Variants in COL25A1 observed in about 807,000 individuals in gnomAD.
COL25A1 encodes collagen alpha-1(XXV) chain.
In COL25A1, 103 loss-of-function variants were observed where a neutral mutation model predicts 128.4. The ratio of observed to expected loss-of-function variants is 0.80; its 90% CI spans 0.68 to 0.94. The LOEUF is 0.94. Ranked by LOEUF, COL25A1 falls within the 40% of genes least tolerant of loss-of-function variation. COL25A1 has a pLI of 0.00. For synonymous variants in COL25A1, 279 were observed against 277.2 expected, an observed-to-expected ratio of 1.01 and a Z score of -0.06; for missense variants, 745 against 840.0, an observed-to-expected ratio of 0.89 and a Z score of 1.40.
intron 13 of COL25A1, among the ~76,000 whole-genome samples, chr4:108,909,979 G>A (rs1004776776): frequency 1.3e-5 from 2 of 152,152 alleles, no homozygotes; most frequent in Non-Finnish European, 2.9e-5. Context: ...AGCGGTGCAC[G>A]TGCCAGCAGT....
intron 10 of COL25A1, among the ~76,000 whole-genome samples, 184 bp from the exon 11 acceptor site, chr4:108,938,027 G>A (rs1747644639): frequency 6.6e-6 from 1 of 152,086 alleles, no homozygotes; most frequent in Admixed American, 6.5e-5. Context: ...TACAAATTTA[G>A]GGTTTAATAA....
intron 12 of COL25A1, among the ~76,000 whole-genome samples, chr4:108,920,304 T>C (rs1745350858): frequency 6.6e-6 from 1 of 152,348 alleles, no homozygotes. Flanking sequence ...AATTTTGTCA[T>C]GTTTTACCAG....
intron 30 of COL25A1, 71 bp downstream of exon 30, chr4:108,844,448 A>G: frequency 6.2e-7 from 1 of 1,613,332 alleles, no homozygotes; most frequent in Non-Finnish European, 8.5e-7. Flanking sequence ...GTTTAGAGGG[A>G]TGTGTTCATG....
chr4:109,235,193 C>A (rs1196500808), intron 3 of COL25A1, among the ~76,000 whole-genome samples: 1 of 152,006 alleles, frequency 6.6e-6, no homozygotes, highest in Non-Finnish European at 1.5e-5. Context: ...AAATACCTAT[C>A]CCCAGAGTGT....
chr4:109,279,178 T>C (rs552400680), intron 3 of COL25A1, among the ~76,000 whole-genome samples: 2 of 152,294 alleles, frequency 1.3e-5, no homozygotes, highest in East Asian at 3.9e-4. Context: ...CTCCAATTTG[T>C]TGTAACTGGT....
chr4:109,283,544 T>C (rs1199278981), intron 3 of COL25A1, among the ~76,000 whole-genome samples: 1 of 152,168 alleles, frequency 6.6e-6, no homozygotes, highest in East Asian at 1.9e-4. Context: ...ATTACAGGCG[T>C]GAGCCCCATC....
chr4:109,105,021 T>A (rs1178621395), intron 3 of COL25A1, among the ~76,000 whole-genome samples: 2 of 152,212 alleles, frequency 1.3e-5, no homozygotes, highest in East Asian at 3.8e-4. Flanking sequence ...TGAAATGATA[T>A]TCTACCTTGG....
At position 109,273,904 on chromosome 4, in the gene COL25A1, A is replaced by G. The variant is rs1782367035; in HGVS notation, c.367+26679T>C. On this transcript the variant is annotated intron_variant, in intron 3 of 37. Coordinates refer to ENST00000399132, the MANE Select transcript of COL25A1 (RefSeq NM_198721.4). ...CAATTATAAACTGTAAAAAAAATGAAAACAAATTAAGGAATCTTTTAAATA... is the reference window on the plus strand; with the variant it reads ...CAATTATAAACTGTAAAAAAAATGAGAACAAATTAAGGAATCTTTTAAATA... Among the ~76,000 whole-genome samples the G allele has an allele frequency of 2.0e-5, 3 of 152,240 alleles. No individual in the cohort carries two copies. The South Asian group carries it at 6.2e-4, about 32-fold the overall frequency.
chr4:109,003,334 A>G (rs1182150582), intron 6 of COL25A1, among the ~76,000 whole-genome samples: 1 of 152,238 alleles, frequency 6.6e-6, no homozygotes. Context: ...TATCCACCAC[A>G]ATTACACTGC....
At chr4:109,161,497 T>C (rs1772576943) in intron 3 of COL25A1, among the ~76,000 whole-genome samples, 1 of 152,210 alleles carries the variant, frequency 6.6e-6, no homozygotes, top group Non-Finnish European at 1.5e-5. Flanking sequence ...TTACCTGAAT[T>C]GATTGTTTAA....
chr4:109,069,599 T>A (rs983832385), intron 3 of COL25A1, among the ~76,000 whole-genome samples: 5 of 152,188 alleles, frequency 3.3e-5, no homozygotes, highest in Non-Finnish European at 7.3e-5. Context: ...GCAGTGTAAG[T>A]ATGCTGAAGT....
intron 3 of COL25A1, among the ~76,000 whole-genome samples, chr4:109,255,839 T>C (rs1464094079): frequency 6.6e-6 from 1 of 152,216 alleles, no homozygotes; most frequent in African/African-American, 2.4e-5. Flanking sequence ...CAAAACTTGC[T>C]TTGAGTTTAG....
intron 3 of COL25A1, among the ~76,000 whole-genome samples, chr4:109,254,238 G>A (rs912440679): frequency 6.6e-6 from 1 of 151,336 alleles, no homozygotes; most frequent in African/African-American, 2.4e-5. Flanking sequence ...ATAATTAAAT[G>A]TGCCTTTTGC....
At chr4:109,130,123 A>G (rs1769040634) in intron 3 of COL25A1, among the ~76,000 whole-genome samples, 1 of 129,444 alleles carries the variant, frequency 7.7e-6, no homozygotes, top group South Asian at 2.8e-4. Flanking sequence ...CAGAATATAC[A>G]TACATACATA....
intron 3 of COL25A1, among the ~76,000 whole-genome samples, chr4:109,280,218 G>C (rs907158194): frequency 2.6e-5 from 4 of 152,150 alleles, no homozygotes; most frequent in African/African-American, 9.7e-5. Context: ...TTCAGAAGAA[G>C]TTTAGAGACA....
chr4:109,153,170 G>A (rs550664236), intron 3 of COL25A1, among the ~76,000 whole-genome samples: 35 of 151,988 alleles, frequency 2.3e-4, no homozygotes, highest in Non-Finnish European at 3.2e-4. Flanking sequence ...TGGATCTCCT[G>A]AGGTCGGGAG....
rs1158184110 is a variant in COL25A1, at chr4:108,835,861, C to CTTTTTTTTTTTTTTTTTTTTT, written c.1657-3449_1657-3429dup. Among the ~76,000 whole-genome samples the CTTTTTTTTTTTTTTTTTTTTT allele has an allele frequency of 1.9e-3, 85 of 45,720 alleles. 5 individuals carry two copies. The highest frequency in any genetic ancestry group is 2.5e-3 in the Admixed American group (7 of 2,836). The allele number at this position is 45,720 out of a possible 152,430, so 30.0% of individuals were successfully genotyped here. On this transcript the variant is annotated intron_variant, in intron 31 of 37. Transcript: ENST00000399132. ...GCCACAGTGCCCGGCTTACATACGT[C>CTTTTTTTTTTTTTTTTTTTTT]TTTTTTTTTTTTTTTTTTTTTTTTT...
intron 6 of COL25A1, among the ~76,000 whole-genome samples, chr4:108,988,630 CAA>C (rs1753875356): frequency 6.6e-6 from 1 of 152,158 alleles, no homozygotes; most frequent in Non-Finnish European, 1.5e-5. Flanking sequence ...CCTGTGACTT[CAA>C]AGTTTTAAAA....
intron 13 of COL25A1, among the ~76,000 whole-genome samples, chr4:108,913,708 A>G (rs1744533738): frequency 6.6e-6 from 1 of 152,256 alleles, no homozygotes; most frequent in Non-Finnish European, 1.5e-5. Flanking sequence ...ACACCTTTTA[A>G]CAGTTCAGAT....
Sources: gnomAD v4.1 joint callset for allele counts (sites outside exome capture counted in the v4.1 genomes callset) on GRCh38, gnomAD v4.1.1 for gene constraint, MANE v1.5 for transcripts, NCBI Gene and HGNC (gene_info 2026-07-23, HGNC 2026-07-21) for gene names.